The following LUZP2 variants were observed in gnomAD, a reference collection of about 807,000 sequenced individuals.
LUZP2 encodes leucine zipper protein 2.
Under a neutral mutation model 51.6 loss-of-function variants are expected in LUZP2, and 52 were observed. The observed-to-expected ratio is 1.01, with a 90% CI of 0.81 to 1.27. LUZP2 has a LOEUF of 1.27. Ranked by LOEUF, LUZP2 falls within the 50% of genes most tolerant of loss-of-function variation. The probability of loss-of-function intolerance (pLI) is 0.00; values close to 1 mark genes in which losing one functional copy is unlikely to be tolerated. For synonymous variants in LUZP2, 154 were observed against 137.3 expected, an observed-to-expected ratio of 1.12 and a Z score of -0.85; for missense variants, 436 against 395.4, an observed-to-expected ratio of 1.10 and a Z score of -0.87.
chr11:24,849,071 A>G (rs1851300045), intron 5 of LUZP2, among the ~76,000 whole-genome samples: 1 of 152,000 alleles, frequency 6.6e-6, no homozygotes, highest in African/African-American at 2.4e-5. Flanking sequence ...GCTACTCAGC[A>G]TTTTTTCATT....
rs183547896 is a variant in LUZP2, at chr11:24,803,063, C to T, written c.396+39755C>T. On this transcript the variant is annotated intron_variant, in intron 5 of 11. Transcript: ENST00000336930. ...AGACTAAGACACATCTCATATAAGA[C>T]AATATCATCAGAGTAAAAAAGTAAC... 5.9e-5 allele frequency among the ~76,000 whole-genome samples: 9 copies of T among 151,986 alleles called. No individual in the cohort carries two copies. The East Asian group carries it at 1.7e-3, about 29-fold the overall frequency.
intron 7 of LUZP2, among the ~76,000 whole-genome samples, chr11:24,943,637 G>C (rs1300151750): frequency 6.6e-6 from 1 of 152,060 alleles, no homozygotes; most frequent in African/African-American, 2.4e-5. Context: ...CAGCACTTTG[G>C]GAGGCCAAGG....
intron 1 of LUZP2, among the ~76,000 whole-genome samples, chr11:24,562,215 T>C (rs1852063014): frequency 6.6e-6 from 1 of 152,102 alleles, no homozygotes; most frequent in Admixed American, 6.6e-5. Flanking sequence ...GTAATCCTTT[T>C]GAAACGCAAA....
At chr11:24,687,220 T>A (rs1856923752) in intron 1 of LUZP2, among the ~76,000 whole-genome samples, 1 of 139,994 alleles carries the variant, frequency 7.1e-6, no homozygotes, top group Non-Finnish European at 1.5e-5. Flanking sequence ...AAATGATCAT[T>A]GATTTTTAAA....
At chr11:24,647,076 G>A (rs955908025) in intron 1 of LUZP2, among the ~76,000 whole-genome samples, 14 of 151,752 alleles carry the variant, frequency 9.2e-5, no homozygotes, top group African/African-American at 3.4e-4. Flanking sequence ...CTTTTGTGCA[G>A]TATCTTATTT....
intron 4 of LUZP2, among the ~76,000 whole-genome samples, chr11:24,740,768 T>A (rs761590322): frequency 3.3e-5 from 5 of 152,142 alleles, no homozygotes; most frequent in Non-Finnish European, 5.9e-5. Context: ...TTTAATTTCA[T>A]CTTCATCCGT....
At chr11:24,897,350 C>T (rs932968451) in intron 5 of LUZP2, among the ~76,000 whole-genome samples, 2 of 152,156 alleles carry the variant, frequency 1.3e-5, no homozygotes, top group Non-Finnish European at 2.9e-5. Flanking sequence ...TTGTTTTGCT[C>T]TTTGCAATAA....
chr11:24,667,185 T>C lies in LUZP2; in HGVS notation c.63-61984T>C, dbSNP rs562202504. 1.8e-4 allele frequency among the ~76,000 whole-genome samples: 14 copies of C among 79,352 alleles called. No homozygotes were observed. In the South Asian group the frequency reaches 5.8e-3, roughly 33 times the overall value. 52.1% of individuals were successfully genotyped at this position (79,352 alleles called of 152,430 possible). A position where few individuals can be genotyped will look rare whatever the true frequency, so the allele number is the denominator to read the frequency against. ...CCCAAATATACATTTTCTTTTTTTC[T>C]TTTTTTTTTTTTTTTTGAGACGGAG... On this transcript the variant is annotated intron_variant, in intron 1 of 11. Coordinates refer to ENST00000336930, the MANE Select transcript of LUZP2 (RefSeq NM_001009909.4).
chr11:24,559,900 G>GT (rs1168982653), intron 1 of LUZP2, among the ~76,000 whole-genome samples: 11 of 152,226 alleles, frequency 7.2e-5, no homozygotes, highest in Admixed American at 2.0e-4. Flanking sequence ...CAAGACTGGT[G>GT]TTTTTTTAGG....
intron 5 of LUZP2, among the ~76,000 whole-genome samples, chr11:24,869,755 C>T (rs1852001880): frequency 6.6e-6 from 1 of 152,156 alleles, no homozygotes; most frequent in African/African-American, 2.4e-5. Flanking sequence ...CTCGCTCCCT[C>T]TCATCAGGGG....
At chr11:24,764,053 T>A (rs746235352) in intron 5 of LUZP2, among the ~76,000 whole-genome samples, 27 of 152,168 alleles carry the variant, frequency 1.8e-4, no homozygotes, top group Non-Finnish European at 3.7e-4. Flanking sequence ...TTTATTTTGT[T>A]GGAGTCATTT....
intron 5 of LUZP2, among the ~76,000 whole-genome samples, chr11:24,897,450 C>G (rs941704163): frequency 3.3e-5 from 5 of 151,994 alleles, no homozygotes; most frequent in African/African-American, 9.7e-5. Flanking sequence ...CTGAGGCCAG[C>G]GAAACCATGA....
chr11:24,881,698 A>T (rs925348777), intron 5 of LUZP2, among the ~76,000 whole-genome samples: 1 of 152,080 alleles, frequency 6.6e-6, no homozygotes, highest in Non-Finnish European at 1.5e-5. Context: ...ATACAAATTC[A>T]AATGGAATAA....
intron 5 of LUZP2, among the ~76,000 whole-genome samples, chr11:24,829,424 G>T (rs2134175304): frequency 6.6e-6 from 1 of 152,222 alleles, no homozygotes; most frequent in Non-Finnish European, 1.5e-5. Context: ...CATAAACACA[G>T]AACTTTAATT....
At chr11:24,596,733 A>T (rs1441476191) in intron 1 of LUZP2, among the ~76,000 whole-genome samples, 1 of 152,288 alleles carries the variant, frequency 6.6e-6, no homozygotes, top group East Asian at 1.9e-4. Flanking sequence ...CAGAGAGTCT[A>T]AAAAAACTAC....
At chr11:24,951,736 G>A (rs1398137566) in intron 7 of LUZP2, among the ~76,000 whole-genome samples, 1 of 151,338 alleles carries the variant, frequency 6.6e-6, no homozygotes, top group Non-Finnish European at 1.5e-5. Flanking sequence ...GTAGTTTTTT[G>A]TTGCAGAGGA....
intron 1 of LUZP2, among the ~76,000 whole-genome samples, chr11:24,668,966 T>C (rs1856308232): frequency 6.6e-6 from 1 of 152,112 alleles, no homozygotes; most frequent in Admixed American, 6.6e-5. Context: ...CACTAGAATT[T>C]CTATATTTTT....
At position 24,962,687 on chromosome 11, in the gene LUZP2, T is replaced by C. The variant is rs183190112; in HGVS notation, c.523-13904T>C. Among the ~76,000 whole-genome samples the C allele has an allele frequency of 1.9e-3, 290 of 152,334 alleles. 1 individual carries two copies. Among genetic ancestry groups the C allele is most frequent in the South Asian group, 4.3e-3 (21 of 4,828 alleles). On this transcript the variant is annotated intron_variant, in intron 7 of 11. Transcript: ENST00000336930. ...TCGTGTAAATTTTTTTCAAAGTTTT[T>C]AACTTCTTTGCCTTTGGTTTGAATT...
In LUZP2 at chr11:25,074,204, T is replaced by C. The variant is rs139919365; in HGVS notation, c.859-3125T>C. On this transcript the variant is annotated intron_variant, in intron 10 of 11. Transcript: ENST00000336930. Reference sequence around the variant, plus strand: ...AACTCTATTAGAAACCCACCCTTTGTGCCTCATCATATTGAGCTCTATTTC... The same window carrying C: ...AACTCTATTAGAAACCCACCCTTTGCGCCTCATCATATTGAGCTCTATTTC... Among the ~76,000 whole-genome samples the C allele has an allele frequency of 5.3e-3, 812 of 152,266 alleles. 5 individuals are homozygous for C. Among genetic ancestry groups the C allele is most frequent in the African/African-American group, 0.019 (772 of 41,560 alleles).
Sources: allele counts gnomAD v4.1 joint callset (sites outside exome capture counted in the v4.1 genomes callset), GRCh38; gene constraint gnomAD v4.1.1; transcripts MANE v1.5; gene names NCBI Gene and HGNC (gene_info 2026-07-23, HGNC 2026-07-21).